The following ERCC6L variants were observed in gnomAD, a reference collection of about 807,000 sequenced individuals.
ERCC6L encodes the protein ERCC excision repair 6 like, spindle assembly checkpoint helicase.
Under a neutral mutation model 20.1 loss-of-function variants are expected in ERCC6L, and 7 were observed. The ratio of observed to expected loss-of-function variants is 0.35; its 90% CI spans 0.20 to 0.65. The LOEUF (loss-of-function observed/expected upper bound fraction) is 0.65, where lower values mean the gene tolerates loss of function less well. Among genes scored for constraint, ERCC6L ranks in the 30% least tolerant of loss-of-function variants. The probability of loss-of-function intolerance (pLI) is 0.69; values close to 1 mark genes in which losing one functional copy is unlikely to be tolerated. For synonymous variants in ERCC6L, 278 were observed against 331.3 expected (o/e 0.84, Z 1.75); for missense variants, 592 against 892.4 (o/e 0.66, Z 4.29).
chrX:72,207,830 T>C lies in ERCC6L; in HGVS notation c.937A>G (p.Ile313Val), dbSNP rs1334740118. The C allele has an allele frequency of 4.1e-6, 5 of 1,205,830 alleles. No individual in the cohort carries two copies. The highest frequency in any genetic ancestry group is 4.5e-6 in the Non-Finnish European group (4 of 894,232). Residue 313 changes from isoleucine to valine, a missense_variant, in exon 2 of 2, where the codon ATA becomes GTA. Around this residue, in one of 3 missense-constraint regions of ERCC6L, gnomAD observed 196 missense variants for 440.1 expected, o/e 0.45. Transcript: ENST00000334463. ...TPGEKALGFK[I>V]SENLMAIIKP... ...ATGATTGCCATTAAGTTTTCAGATA[T>C]TTTAAATCCCAAGGCTTTTTCTCCT...
intron 1 of ERCC6L, among the ~76,000 whole-genome samples, chrX:72,236,526 C>G (rs1488033370): frequency 9.0e-6 from 1 of 111,499 alleles, no homozygotes; most frequent in African/African-American, 3.3e-5. Context: ...GAACTCCTGA[C>G]CTCGTGATGC....
chrX:72,205,187 C>A lies in ERCC6L; in HGVS notation c.3580G>T (p.Ala1194Ser). 8.3e-7 allele frequency: 1 copy of A among 1,211,545 alleles called. No individual in the cohort carries two copies. The highest frequency in any genetic ancestry group is 1.1e-6 in the Non-Finnish European group (1 of 895,461). ...QLVGSPQDKA[A>S]EATNDYETLV... is the part of the protein sequence containing the mutation. ...GTCTCATAGTCATTTGTAGCCTCTG[C>A]CGCCTTATCCTGGGGAGAACCAACC... Residue 1194 changes from alanine to serine, a missense_variant, in exon 2 of 2, where the codon GCA (alanine) becomes TCA (serine). Ala to Ser is a moderately conservative substitution (Grantham distance 99). Around this residue, in one of 3 missense-constraint regions of ERCC6L, gnomAD observed 352 missense variants for 402.6 expected, o/e 0.87. Coordinates refer to ENST00000334463, the MANE Select transcript of ERCC6L (RefSeq NM_017669.4).
intron 1 of ERCC6L, among the ~76,000 whole-genome samples, chrX:72,218,124 G>T (rs1159345622): frequency 2.7e-5 from 3 of 109,886 alleles, no homozygotes; most frequent in Non-Finnish European, 5.7e-5. Flanking sequence ...CAAAAAATTA[G>T]CTGGGCATGG....
Position 72,208,566 on chromosome X carries a change from C to A in ERCC6L, c.201G>T (p.Leu67Phe). 1 of 1,211,820 alleles carries A rather than the reference C, an allele frequency of 8.3e-7. No individual in the cohort carries two copies. Among genetic ancestry groups the A allele is most frequent in the Non-Finnish European group, 1.1e-6 (1 of 895,486 alleles). Residue 67 changes from leucine to phenylalanine, a missense_variant, in exon 2 of 2, where the codon TTG becomes TTT. By Grantham distance (22) the Leu-to-Phe change is conservative. Coordinates refer to ENST00000334463, the MANE Select transcript of ERCC6L (RefSeq NM_017669.4). Reference protein sequence around the residue: ...LSRIQKIQEALEELAEQGDDE... With the variant: ...LSRIQKIQEAFEELAEQGDDE... Reference sequence around the variant, plus strand: ...CATCTCCCTGTTCTGCCAACTCCTCCAAGGCTTCCTGTATTTTTTGGATTC... The same window carrying A: ...CATCTCCCTGTTCTGCCAACTCCTCAAAGGCTTCCTGTATTTTTTGGATTC...
intron 1 of ERCC6L, among the ~76,000 whole-genome samples, chrX:72,223,212 C>T (rs1482783319): frequency 2.8e-4 from 28 of 100,820 alleles, no homozygotes; most frequent in African/African-American, 9.3e-4. Flanking sequence ...TGGTGGCAGG[C>T]GCCTGTAATC....
At chrX:72,225,266 C>G (rs2042947662) in intron 1 of ERCC6L, among the ~76,000 whole-genome samples, 1 of 112,132 alleles carries the variant, frequency 8.9e-6, no homozygotes, top group Non-Finnish European at 1.9e-5. Context: ...GGACTGTCCT[C>G]CCCCAGGGGT....
Position 72,207,060 on chromosome X carries a change from T to G in ERCC6L, c.1707A>C (p.Arg569Ser). The G allele has an allele frequency of 8.3e-7, 1 of 1,211,743 alleles. No homozygotes were observed. The highest frequency in any genetic ancestry group is 1.1e-6 in the Non-Finnish European group (1 of 895,557). The change falls in exon 2 of 2, where the codon AGA becomes AGC. Residue 569 changes from arginine (R) to serine (S), a missense_variant. Around this residue, in one of 3 missense-constraint regions of ERCC6L, gnomAD observed 196 missense variants for 440.1 expected, o/e 0.45. Coordinates refer to ENST00000334463, the MANE Select transcript of ERCC6L (RefSeq NM_017669.4). ...NPATDAQAVDRVYRIGQKENV... is the reference protein window; with the variant it reads ...NPATDAQAVDSVYRIGQKENV... Reference sequence around the variant, plus strand: ...TCTCTTTTTGTCCAATTCGGTAAACTCTATCCACAGCTTGAGCATCAGTTG... The same window carrying G: ...TCTCTTTTTGTCCAATTCGGTAAACGCTATCCACAGCTTGAGCATCAGTTG...
chrX:72,207,249 G>A lies in ERCC6L; in HGVS notation c.1518C>T (p.Ile506=), dbSNP rs1037136790. The part of the protein sequence containing the change: ...LKNRHFKTLR[I]DGTVTHLLER... The stretch of plus-strand genomic sequence containing the variant: ...CCAAAAGATGAGTAACTGTCCCATC[G>A]ATTCGCAATGTCTTAAAGTGCCTAT... The change falls in exon 2 of 2, where the codon ATC becomes ATT. Residue 506 remains isoleucine, a synonymous_variant. Transcript: ENST00000334463. 55 of 1,209,847 alleles carry A rather than the reference G, an allele frequency of 4.5e-5. No individual in the cohort carries two copies. The highest frequency in any genetic ancestry group is 5.8e-5 in the Non-Finnish European group (52 of 895,165).
Position 72,204,883 on chromosome X carries a change from G to T in ERCC6L, c.*131C>A. The stretch of plus-strand genomic sequence containing the variant: ...ACTATGGAGTGGGGGGCGTTGCAGG[G>T]CAGAAGTTGCTTTTTGAGATCTTTC... On this transcript the variant is annotated 3_prime_UTR_variant, in exon 2 of 2. Coordinates refer to ENST00000334463, the MANE Select transcript of ERCC6L (RefSeq NM_017669.4). 2.0e-6 allele frequency: 1 copy of T among 490,395 alleles called. No homozygotes were observed. The highest frequency in any genetic ancestry group is 3.2e-6 in the Non-Finnish European group (1 of 309,235). The allele number at this position is 490,395 out of a possible 1,213,427, so 40.4% of individuals were successfully genotyped here. A position where few individuals can be genotyped will look rare whatever the true frequency, so the allele number is the denominator to read the frequency against.
At chrX:72,210,811 A>C (rs1305501530) in intron 1 of ERCC6L, among the ~76,000 whole-genome samples, 1 of 111,793 alleles carries the variant, frequency 8.9e-6, no homozygotes, top group African/African-American at 3.3e-5. Context: ...CTTGGATATC[A>C]CTGCTTTCTG....
chrX:72,225,455 G>A, intron 1 of ERCC6L, among the ~76,000 whole-genome samples: 1 of 111,704 alleles, frequency 9.0e-6, no homozygotes, highest in Non-Finnish European at 1.9e-5. Context: ...GCAGGTACCA[G>A]GTGTCCAAAA....
In ERCC6L at chrX:72,215,998, A is replaced by G. The variant is rs1453570202; in HGVS notation, c.69-7300T>C. 2.7e-5 allele frequency among the ~76,000 whole-genome samples: 3 copies of G among 110,695 alleles called. No individual in the cohort carries two copies. In the Admixed American group the frequency reaches 2.9e-4, roughly 11 times the overall value. On this transcript the variant is annotated intron_variant, in intron 1 of 1. Coordinates refer to ENST00000334463, the MANE Select transcript of ERCC6L (RefSeq NM_017669.4). ...TTGTTGTCAATGTCCTTCTGATTCT[A>G]TGTACATTTCCCAGAAGATTTTATC...
In ERCC6L at chrX:72,204,698, C is replaced by CTGT; in HGVS notation, c.*313_*315dup. ...AGTAACTTTAATTTTCTTATCTGAA[C>CTGT]TGTTATATACAAAGATGATCACTTT... On this transcript the variant is annotated 3_prime_UTR_variant, in exon 2 of 2. Transcript: ENST00000334463. 1 of 142,684 alleles carries CTGT rather than the reference C, an allele frequency of 7.0e-6. No homozygotes were observed. Among genetic ancestry groups the CTGT allele is most frequent in the Non-Finnish European group, 1.4e-5 (1 of 73,158 alleles). The allele number at this position is 142,684 out of a possible 1,213,427, so 11.8% of individuals were successfully genotyped here.
At chrX:72,210,224 A>C (rs1172490793) in intron 1 of ERCC6L, among the ~76,000 whole-genome samples, 1 of 107,746 alleles carries the variant, frequency 9.3e-6, no homozygotes, top group Non-Finnish European at 1.9e-5. Context: ...TAAATAAATA[A>C]ATAAATAAAT....
At chrX:72,230,914 G>A (rs757953423) in intron 1 of ERCC6L, among the ~76,000 whole-genome samples, 8 of 112,188 alleles carry the variant, frequency 7.1e-5, no homozygotes, top group East Asian at 5.6e-4. Flanking sequence ...TCAGTGAGCC[G>A]AGATCGTGCC....
intron 1 of ERCC6L, among the ~76,000 whole-genome samples, chrX:72,225,533 A>G (rs1263155775): frequency 8.9e-6 from 1 of 112,594 alleles, no homozygotes; most frequent in Non-Finnish European, 1.9e-5. Flanking sequence ...ATACTTGAGA[A>G]ATTCTGCCAG....
Position 72,208,362 on chromosome X carries a change from G to A in ERCC6L, c.405C>T (p.Phe135=). 8.3e-7 allele frequency: 1 copy of A among 1,211,613 alleles called. No individual in the cohort carries two copies. The change falls in exon 2 of 2, where the codon TTC becomes TTT. Residue 135 remains phenylalanine (F), a synonymous_variant. Coordinates refer to ENST00000334463, the MANE Select transcript of ERCC6L (RefSeq NM_017669.4). ...GLGKTVQIIA[F]LSGMFDASLV... ...GTGATGCATCAAACATACCGGAAAG[G>A]AAAGCAATGATTTGAACAGTCTTCC...
Position 72,238,955 on chromosome X carries a change from C to A in ERCC6L, c.-44G>T. ...CAGTTACCCCGGCGGGAGTTTGGAG[C>A]TTGGAGCTTGGAGCTTGGAGCTTGG... On this transcript the variant is annotated 5_prime_UTR_variant, in exon 1 of 2. Transcript: ENST00000334463. The A allele has an allele frequency of 2.1e-6, 2 of 935,038 alleles. No homozygotes were observed. Among genetic ancestry groups the A allele is most frequent in the South Asian group, 2.2e-5 (1 of 46,340 alleles). The allele number at this position is 935,038 out of a possible 1,213,427, so 77.1% of individuals were successfully genotyped here.
At chrX:72,213,408 C>T (rs768569281) in intron 1 of ERCC6L, among the ~76,000 whole-genome samples, 3 of 111,649 alleles carry the variant, frequency 2.7e-5, no homozygotes, top group Non-Finnish European at 5.7e-5. Context: ...TCCAGGCATT[C>T]GAGCCGGGAG....
Sources: gnomAD v4.1 joint callset for allele counts (sites outside exome capture counted in the v4.1 genomes callset) on GRCh38, gnomAD v4.1.1 for gene constraint, gnomAD v4.1.1 regional missense constraint, MANE v1.5 for transcripts, NCBI Gene and HGNC (gene_info 2026-07-23, HGNC 2026-07-21) for gene names.